ACER2: variants seen among roughly 807,000 people sequenced by gnomAD.
ACER2 encodes alkCDase 2.
Under a neutral mutation model 34.7 loss-of-function variants are expected in ACER2, and 26 were observed. The observed-to-expected ratio is 0.75, with a 90% CI of 0.55 to 1.04. ACER2 has a LOEUF of 1.04. Ranked by LOEUF, ACER2 falls within the 50% of genes least tolerant of loss-of-function variation. ACER2 has a pLI of 0.00. For missense variants in ACER2, 352 were observed against 340.8 expected (o/e 1.03, Z -0.26); for synonymous variants, 138 against 132.1 (o/e 1.04, Z -0.31).
At chr9:19,428,298 G>T (rs190896558) in intron 3 of ACER2, among the ~76,000 whole-genome samples, 1 of 151,812 alleles carries the variant, frequency 6.6e-6, no homozygotes, top group African/African-American at 2.4e-5. Flanking sequence ...CTCCCGAGTC[G>T]CTGGGATTCC....
At chr9:19,418,349 A>G (rs1830297885) in intron 1 of ACER2, among the ~76,000 whole-genome samples, 1 of 152,260 alleles carries the variant, frequency 6.6e-6, no homozygotes. Context: ...ATTACTAGGT[A>G]TATACCCAAA....
chr9:19,410,403 A>G (rs887448903), intron 1 of ACER2, among the ~76,000 whole-genome samples: 3 of 152,088 alleles, frequency 2.0e-5, no homozygotes, highest in African/African-American at 7.2e-5. Context: ...TTTTATGATT[A>G]GGTTGGTTCC....
intron 1 of ACER2, among the ~76,000 whole-genome samples, chr9:19,422,710 A>G (rs10811181): frequency 0.15 from 23,154 of 150,034 alleles, 1,827 homozygotes; most frequent in South Asian, 0.25. Context: ...TTTTTTAACC[A>G]TTATTTAATA....
intron 4 of ACER2, among the ~76,000 whole-genome samples, chr9:19,439,276 C>G (rs568154622): frequency 6.6e-6 from 1 of 151,986 alleles, no homozygotes; most frequent in Admixed American, 6.5e-5. Context: ...ATTCCCTCCA[C>G]TCTCCTATGT....
At chr9:19,410,803 A>C (rs1830065938) in intron 1 of ACER2, among the ~76,000 whole-genome samples, 1 of 152,206 alleles carries the variant, frequency 6.6e-6, no homozygotes, top group African/African-American at 2.4e-5. Context: ...GTCAGGGGTA[A>C]ATAGTTGCAC....
chr9:19,446,287 C>T lies in ACER2; in HGVS notation c.510C>T (p.Asp170=), dbSNP rs561091090. Residue 170 remains aspartate (D), a synonymous_variant, in exon 5 of 6, where the codon GAC becomes GAT. Transcript: ENST00000340967. The part of the protein sequence containing the change: ...ALLIAELKRC[D]NMRVFKLGLF... ...TCTCTGGACCCCCGTGCAGGTGTGA[C>T]AACATGCGTGTGTTTAAGCTGGGCC... 38 of 1,614,172 alleles carry T rather than the reference C, an allele frequency of 2.4e-5. No individual in the cohort carries two copies. The South Asian group carries it at 3.8e-4, about 16-fold the overall frequency.
intron 1 of ACER2, among the ~76,000 whole-genome samples, chr9:19,411,934 T>C (rs1487425349): frequency 5.3e-5 from 8 of 152,190 alleles, no homozygotes; most frequent in African/African-American, 1.9e-4. Flanking sequence ...TATATCCATT[T>C]GATAAAGATG....
At chr9:19,433,815 G>A (rs1255971547) in intron 3 of ACER2, among the ~76,000 whole-genome samples, 21 of 150,054 alleles carry the variant, frequency 1.4e-4, no homozygotes, top group East Asian at 4.0e-4. Flanking sequence ...CGGACGGGGC[G>A]GCTGGCCGGG....
chr9:19,431,100 G>A (rs1050961885), intron 3 of ACER2, among the ~76,000 whole-genome samples: 6 of 151,970 alleles, frequency 3.9e-5, no homozygotes, highest in South Asian at 2.1e-4. Flanking sequence ...GCTCAGTTAC[G>A]TTTTCCCTGA....
intron 1 of ACER2, 46 bp downstream of exon 1, chr9:19,409,238 G>A: frequency 6.5e-7 from 1 of 1,530,172 alleles, no homozygotes; most frequent in South Asian, 1.2e-5. Flanking sequence ...AGCGGGAGGG[G>A]GCTGTTCCCG....
intron 3 of ACER2, 59 bp from the exon 4 acceptor site, chr9:19,434,884 TAAAC>T (rs953967566): frequency 6.3e-5 from 101 of 1,596,486 alleles, no homozygotes; most frequent in African/African-American, 1.2e-4. Context: ...TTGCTAACAT[TAAAC>T]AAACAAACAA....
At chr9:19,424,468 G>T (rs1298970140) in intron 2 of ACER2, 1 of 985,258 alleles carries the variant, frequency 1.0e-6, no homozygotes, top group African/African-American at 1.7e-5. Context: ...TTTAACTGTG[G>T]AATTGTTAAA....
At chr9:19,441,701 C>T (rs554316144) in intron 4 of ACER2, among the ~76,000 whole-genome samples, 13 of 152,146 alleles carry the variant, frequency 8.5e-5, no homozygotes, top group Non-Finnish European at 1.8e-4. Context: ...GTTGTCTGTC[C>T]CCTCTGCTGA....
chr9:19,433,757 G>C (rs905121881), intron 3 of ACER2, among the ~76,000 whole-genome samples: 1 of 148,608 alleles, frequency 6.7e-6, no homozygotes, highest in Admixed American at 6.7e-5. Flanking sequence ...CTCACCTCCC[G>C]GATGGGGCGG....
intron 4 of ACER2, among the ~76,000 whole-genome samples, chr9:19,444,215 T>C (rs1462883940): frequency 2.3e-5 from 3 of 129,250 alleles, no homozygotes; most frequent in African/African-American, 9.1e-5. Flanking sequence ...AATCTCATAA[T>C]GGTTTTTTTT....
At chr9:19,409,558 C>A (rs948472648) in intron 1 of ACER2, among the ~76,000 whole-genome samples, 5 of 152,126 alleles carry the variant, frequency 3.3e-5, no homozygotes, top group Non-Finnish European at 5.9e-5. Context: ...CCCCTGGGAT[C>A]TCTGTGGCGT....
chr9:19,446,620 C>T, intron 5 of ACER2: 1 of 985,420 alleles, frequency 1.0e-6, no homozygotes. Flanking sequence ...GCAGGCTTAG[C>T]CGGAACGAAA....
intron 4 of ACER2, among the ~76,000 whole-genome samples, chr9:19,438,222 C>T (rs142563544): frequency 2.6e-5 from 4 of 152,344 alleles, no homozygotes; most frequent in African/African-American, 7.2e-5. Context: ...ACTTAGATCT[C>T]ATAGTCTTGC....
rs185652795 is a variant in ACER2 at position 19,411,977 on chromosome 9, C to G, written c.108+2785C>G. ...GGGCCTAGAGAGTTTATGTAACTTG[C>G]TGTGGTCAAGAGCATAGCACAGCTG... On this transcript the variant is annotated intron_variant, in intron 1 of 5. Transcript: ENST00000340967. Among the ~76,000 whole-genome samples, 217 of 152,268 alleles carry G rather than the reference C, an allele frequency of 1.4e-3. 4 individuals are homozygous for G. Among genetic ancestry groups the G allele is most frequent in the Admixed American group, 0.013 (201 of 15,288 alleles).
Sources: allele counts gnomAD v4.1 joint callset (sites outside exome capture counted in the v4.1 genomes callset), GRCh38; gene constraint gnomAD v4.1.1; transcripts MANE v1.5; gene names NCBI Gene and HGNC (gene_info 2026-07-23, HGNC 2026-07-21).